HNRNPC: variants seen among roughly 807,000 people sequenced by gnomAD.
HNRNPC encodes heterogeneous nuclear ribonucleoprotein C, also known as heterogeneous nuclear ribonucleoproteins C1/C2.
In HNRNPC, 3 loss-of-function variants were observed where a neutral mutation model predicts 33.2. The ratio of observed to expected loss-of-function variants is 0.09; its 90% CI spans 0.04 to 0.23. The LOEUF (loss-of-function observed/expected upper bound fraction) is 0.23, where lower values mean the gene tolerates loss of function less well. HNRNPC is among the 10% of genes least tolerant of loss of function. HNRNPC has a pLI of 1.00. For synonymous variants in HNRNPC, 121 were observed against 126.7 expected (o/e 0.96, Z 0.30); for missense variants, 143 against 366.7 (o/e 0.39, Z 4.98).
At position 21,218,041 on chromosome 14, in the gene HNRNPC, G is replaced by GA. The variant is rs558247481; in HGVS notation, c.366-4925dup. 1.2e-3 allele frequency among the ~76,000 whole-genome samples: 173 copies of GA among 149,836 alleles called. 3 individuals are homozygous for GA. In the South Asian group the frequency reaches 0.027, roughly 23 times the overall value. On this transcript the variant is annotated intron_variant, in intron 5 of 8. Transcript: ENST00000553300. The stretch of plus-strand genomic sequence containing the variant: ...GGATTCAAGACTGTTTTAAGAAAGG[G>GA]AAAAAAAAAATCCCTGGCTTTTCTT...
Position 21,211,149 on chromosome 14 carries a change from G to A in HNRNPC, c.*74C>T. 7.0e-7 allele frequency: 1 copy of A among 1,432,672 alleles called. No homozygotes were observed. Among genetic ancestry groups the A allele is most frequent in the East Asian group, 2.3e-5 (1 of 43,928 alleles). 88.7% of individuals were successfully genotyped at this position (1,432,672 alleles called of 1,614,324 possible). A position where few individuals can be genotyped will look rare whatever the true frequency, so the allele number is the denominator to read the frequency against. ...TGAAGATACTAGGGGAGAGGATCTGGTGAAAAATTTGATCTTAGACAAGCG... is the reference window on the plus strand; with the variant it reads ...TGAAGATACTAGGGGAGAGGATCTGATGAAAAATTTGATCTTAGACAAGCG... On this transcript the variant is annotated 3_prime_UTR_variant, in exon 9 of 9. Coordinates refer to ENST00000553300, the MANE Select transcript of HNRNPC (RefSeq NM_004500.4).
chr14:21,262,039 C>T (rs1878334310), intron 2 of HNRNPC, among the ~76,000 whole-genome samples: 1 of 152,184 alleles, frequency 6.6e-6, no homozygotes, highest in Non-Finnish European at 1.5e-5. Context: ...AGGGGTCAGC[C>T]TTAGACAGTT....
At chr14:21,258,682 C>A (rs1877651575) in intron 2 of HNRNPC, among the ~76,000 whole-genome samples, 1 of 152,182 alleles carries the variant, frequency 6.6e-6, no homozygotes, top group African/African-American at 2.4e-5. Flanking sequence ...TAATGTCCTG[C>A]TACTTTTTTC....
chr14:21,214,914 G>A (rs548885144), intron 5 of HNRNPC, among the ~76,000 whole-genome samples: 1 of 152,272 alleles, frequency 6.6e-6, no homozygotes, highest in South Asian at 2.1e-4. Context: ...TTAAGCCTCA[G>A]TCCAATGGAA....
At chr14:21,218,296 G>T (rs1343384458) in intron 5 of HNRNPC, among the ~76,000 whole-genome samples, 1 of 152,068 alleles carries the variant, frequency 6.6e-6, no homozygotes, top group Admixed American at 6.5e-5. Flanking sequence ...ATTTGTCATG[G>T]TATTCAACAA....
chr14:21,262,659 G>C (rs1458395093), intron 2 of HNRNPC: 2 of 152,372 alleles, frequency 1.3e-5, no homozygotes, highest in African/African-American at 2.4e-5. Context: ...AGGTCATCCT[G>C]GCTGCTGCTG....
At chr14:21,261,897 T>TC (rs1189856106) in intron 2 of HNRNPC, among the ~76,000 whole-genome samples, 1 of 152,270 alleles carries the variant, frequency 6.6e-6, no homozygotes, top group Non-Finnish European at 1.5e-5. Context: ...TCTACACCAT[T>TC]CCTGTGAATA....
At chr14:21,215,332 A>C (rs777145077) in intron 5 of HNRNPC, among the ~76,000 whole-genome samples, 1 of 152,212 alleles carries the variant, frequency 6.6e-6, no homozygotes, top group Non-Finnish European at 1.5e-5. Flanking sequence ...AAAGGGATAT[A>C]TATTAAGAAG....
chr14:21,244,926 A>AT (rs771813946), intron 2 of HNRNPC, among the ~76,000 whole-genome samples: 1 of 151,940 alleles, frequency 6.6e-6, no homozygotes, highest in Non-Finnish European at 1.5e-5. Context: ...CTCTACTAAA[A>AT]TAACAAAAAT....
At chr14:21,266,590 T>C (rs898578563) in intron 1 of HNRNPC, among the ~76,000 whole-genome samples, 3 of 150,694 alleles carry the variant, frequency 2.0e-5, no homozygotes, top group African/African-American at 7.3e-5. Context: ...ATATCGAGAA[T>C]ACCTGTAGTT....
At position 21,230,377 on chromosome 14, in the gene HNRNPC, A is replaced by T. The variant is rs1180712846; in HGVS notation, c.318-11T>A. ...AAGTCAAAAGAGGAGCTGAAAAATA[A>T]ATACCGAAAAGGGTTAATTTGGAAA... On this transcript the variant is annotated splice_polypyrimidine_tract_variant and intron_variant, in intron 4 of 8. Transcript: ENST00000553300. The T allele has an allele frequency of 6.2e-7, 1 of 1,602,584 alleles. No individual in the cohort carries two copies. Among genetic ancestry groups the T allele is most frequent in the Non-Finnish European group, 8.5e-7 (1 of 1,170,100 alleles).
chr14:21,230,667 C>T lies in HNRNPC; in HGVS notation c.318-301G>A, dbSNP rs753019188. On this transcript the variant is annotated intron_variant, in intron 4 of 8. Transcript: ENST00000553300. ...AAGCATTCTTATACCACACTTCTAC[C>T]CTCTCTTACTCTCTAGTGTCTTAGA... The T allele has an allele frequency of 6.1e-6, 3 of 494,426 alleles. No individual in the cohort carries two copies. The South Asian group carries it at 9.2e-5, about 15-fold the overall frequency. The allele number at this position is 494,426 out of a possible 1,614,324, so 30.6% of individuals were successfully genotyped here.
At chr14:21,227,976 T>C (rs1893670541) in intron 5 of HNRNPC, among the ~76,000 whole-genome samples, 1 of 152,216 alleles carries the variant, frequency 6.6e-6, no homozygotes, top group Admixed American at 6.5e-5. Flanking sequence ...TATTAATGAT[T>C]CTCAACTCTG....
chr14:21,251,057 C>T (rs1356297402), intron 2 of HNRNPC, among the ~76,000 whole-genome samples: 7 of 151,876 alleles, frequency 4.6e-5, no homozygotes, highest in South Asian at 2.1e-4. Context: ...GTCAGGAGAT[C>T]GAGACCGTCC....
chr14:21,231,297 C>A, intron 3 of HNRNPC: 1 of 639,556 alleles, frequency 1.6e-6, no homozygotes, highest in Non-Finnish European at 2.9e-6. Context: ...CCATGCCCAG[C>A]TAATACAAAC....
intron 2 of HNRNPC, among the ~76,000 whole-genome samples, chr14:21,247,893 A>G (rs1235364825): frequency 6.6e-6 from 1 of 151,840 alleles, no homozygotes; most frequent in Non-Finnish European, 1.5e-5. Flanking sequence ...AGGCCGAGGC[A>G]TGAGAAAGAA....
Position 21,228,543 on chromosome 14 carries a change from C to T in HNRNPC, c.365+1776G>A, listed in dbSNP as rs186593563. On this transcript the variant is annotated intron_variant, in intron 5 of 8. Transcript: ENST00000553300. ...AGTAGCTGGGACTACAGGCGCGTGC[C>T]ACCACGCCCAGCTAATTTTTGTATT... 2.7e-3 allele frequency among the ~76,000 whole-genome samples: 411 copies of T among 152,116 alleles called. 3 individuals carry two copies. The highest frequency in any genetic ancestry group is 9.4e-3 in the African/African-American group (392 of 41,508).
At chr14:21,258,698 A>T (rs940444903) in intron 2 of HNRNPC, among the ~76,000 whole-genome samples, 2 of 152,216 alleles carry the variant, frequency 1.3e-5, no homozygotes, top group African/African-American at 2.4e-5. Flanking sequence ...TTTTCTGCCA[A>T]ATCAGAAAGC....
chr14:21,258,306 C>T (rs1004691005), intron 2 of HNRNPC, among the ~76,000 whole-genome samples: 12 of 151,996 alleles, frequency 7.9e-5, no homozygotes, highest in African/African-American at 2.4e-4. Flanking sequence ...ACAAGAATCG[C>T]TTGAACCCAG....
Sources: allele counts gnomAD v4.1 joint callset (sites outside exome capture counted in the v4.1 genomes callset), GRCh38; gene constraint gnomAD v4.1.1; transcripts MANE v1.5; gene names NCBI Gene and HGNC (gene_info 2026-07-23, HGNC 2026-07-21).